UNC79: variants seen among roughly 807,000 people sequenced by gnomAD.
The protein encoded by UNC79 is unc-79 subunit of NALCN channel complex.
Under a neutral mutation model 283.1 loss-of-function variants are expected in UNC79, and 37 were observed. The observed-to-expected ratio is 0.13, with a 90% confidence interval of 0.10 to 0.17. The LOEUF is 0.17. Among genes scored for constraint, UNC79 ranks in the 10% least tolerant of loss-of-function variants. The pLI, the probability that UNC79 is intolerant of heterozygous loss-of-function variation, is 1.00. For synonymous variants in UNC79, 1,107 were observed against 1,200.2 expected (o/e 0.92, Z 1.61); for missense variants, 2,272 against 3,211.1 (o/e 0.71, Z 7.07).
chr14:93,403,718 T>G (rs1459251736), intron 1 of UNC79, among the ~76,000 whole-genome samples: 2 of 152,200 alleles, frequency 1.3e-5, no homozygotes, highest in African/African-American at 2.4e-5. Flanking sequence ...TAAAAAAATT[T>G]TTTTTTATCA....
intron 27 of UNC79, 80 bp downstream of exon 28, chr14:93,613,163 G>A (rs1442260469): frequency 7.7e-6 from 12 of 1,561,948 alleles, no homozygotes; most frequent in South Asian, 6.0e-5. Context: ...TGTAGCCAAC[G>A]TTGGTTCAGC....
At chr14:93,453,953 T>C (rs1246392473) in intron 1 of UNC79, among the ~76,000 whole-genome samples, 1 of 152,182 alleles carries the variant, frequency 6.6e-6, no homozygotes, top group Non-Finnish European at 1.5e-5. Context: ...AGGAATAGAT[T>C]GTTTGAGGGG....
chr14:93,499,840 G>A (rs2059196417), intron 7 of UNC79, among the ~76,000 whole-genome samples: 1 of 152,070 alleles, frequency 6.6e-6, no homozygotes, highest in Admixed American at 6.6e-5. Flanking sequence ...GCTGATACCT[G>A]AAGGATATAT....
chr14:93,365,633 A>G (rs1199640569), intron 1 of UNC79, among the ~76,000 whole-genome samples: 2 of 152,218 alleles, frequency 1.3e-5, no homozygotes, highest in Admixed American at 1.3e-4. Context: ...TGAAGAACTC[A>G]ACATCTGCGC....
At chr14:93,380,770 A>G (rs924873504) in intron 1 of UNC79, among the ~76,000 whole-genome samples, 2 of 152,124 alleles carry the variant, frequency 1.3e-5, no homozygotes, top group Non-Finnish European at 2.9e-5. Context: ...TTTACTTTAT[A>G]TTCAGTGTAT....
chr14:93,597,270 C>T, intron 23 of UNC79, 89 bp from the exon 24 acceptor site: 1 of 1,397,300 alleles, frequency 7.2e-7, no homozygotes. Flanking sequence ...TCTGTGAGTT[C>T]AGTTCTCAGA....
chr14:93,578,149 C>G, intron 18 of UNC79, 86 bp downstream of exon 18: 5 of 1,248,748 alleles, frequency 4.0e-6, no homozygotes, highest in Non-Finnish European at 5.6e-6. Flanking sequence ...TGTTGGGCAT[C>G]TCCACACTTA....
At chr14:93,630,861 C>A (rs779355862) in exon 31 of UNC79, 1 of 1,613,932 alleles carries the variant, frequency 6.2e-7, no homozygotes, top group Non-Finnish European at 8.5e-7. Flanking sequence ...TCTGCCCCTA[C>A]GTTAGATGCA....
chr14:93,502,921 C>A (rs1179641780), intron 7 of UNC79, among the ~76,000 whole-genome samples: 2 of 152,174 alleles, frequency 1.3e-5, no homozygotes, highest in African/African-American at 4.8e-5. Context: ...TCTACCAGTT[C>A]TTTTATGTCA....
chr14:93,340,249 T>A (rs1443282414), intron 1 of UNC79, among the ~76,000 whole-genome samples: 1 of 152,162 alleles, frequency 6.6e-6, no homozygotes, highest in Non-Finnish European at 1.5e-5. Flanking sequence ...GAGACCATCC[T>A]GGCTAACGCG....
At chr14:93,366,013 T>A (rs2139953521) in intron 1 of UNC79, among the ~76,000 whole-genome samples, 1 of 151,936 alleles carries the variant, frequency 6.6e-6, no homozygotes, top group African/African-American at 2.4e-5. Flanking sequence ...AAAAAAGAGG[T>A]TGTCTACAAA....
At chr14:93,378,127 T>C (rs1566901773) in intron 1 of UNC79, among the ~76,000 whole-genome samples, 1 of 152,234 alleles carries the variant, frequency 6.6e-6, no homozygotes, top group Non-Finnish European at 1.5e-5. Flanking sequence ...GATGACTGTT[T>C]ACTGTCATGC....
chr14:93,631,032 G>A, intron 31 of UNC79, 124 bp downstream of exon 33: 2 of 885,208 alleles, frequency 2.3e-6, no homozygotes, highest in East Asian at 2.7e-5. Flanking sequence ...CAGCTTCCTT[G>A]GTGATAGTAT....
chr14:93,442,144 A>C (rs2056320842), intron 1 of UNC79, among the ~76,000 whole-genome samples: 1 of 151,852 alleles, frequency 6.6e-6, no homozygotes, highest in Non-Finnish European at 1.5e-5. Context: ...ATCTCCTTTT[A>C]AGTAGCCTTA....
chr14:93,646,686 T>C (rs2069644557), intron 35 of UNC79, 40 bp downstream of exon 38: 1 of 1,607,832 alleles, frequency 6.2e-7, no homozygotes, highest in Admixed American at 1.7e-5. Flanking sequence ...CTTTCTTTTC[T>C]CCTCTGTGCA....
intron 7 of UNC79, among the ~76,000 whole-genome samples, chr14:93,502,046 T>C (rs2059317174): frequency 6.6e-6 from 1 of 152,234 alleles, no homozygotes. Flanking sequence ...AATTTGGTGA[T>C]CTACAATGTT....
chr14:93,371,709 C>T (rs967988672), intron 1 of UNC79, among the ~76,000 whole-genome samples: 4 of 151,844 alleles, frequency 2.6e-5, no homozygotes, highest in African/African-American at 7.3e-5. Flanking sequence ...GGCGTGGTGG[C>T]GGGCGCCTGT....
chr14:93,643,491 A>G lies in UNC79; in HGVS notation c.5904-66A>G, dbSNP rs978179510. ...ACCTACTAAAAACAGCCGTGTGTGTAGTATATTATATCTTGAGACCATGGT... is the reference window on the plus strand; with the variant it reads ...ACCTACTAAAAACAGCCGTGTGTGTGGTATATTATATCTTGAGACCATGGT... On this transcript the variant is annotated intron_variant, in intron 33 of 48. Coordinates refer to ENST00000555664, the Ensembl canonical transcript of UNC79. 5.6e-6 allele frequency: 9 copies of G among 1,610,668 alleles called. No homozygotes were observed. In the African/African-American group the frequency reaches 6.7e-5, roughly 12 times the overall value.
intron 1 of UNC79, among the ~76,000 whole-genome samples, chr14:93,450,377 T>G (rs1235132341): frequency 6.6e-6 from 1 of 152,136 alleles, no homozygotes; most frequent in Non-Finnish European, 1.5e-5. Context: ...AAAAGCATGG[T>G]CTGGGGTTCT....
Sources: gnomAD v4.1 joint callset for allele counts (sites outside exome capture counted in the v4.1 genomes callset) on GRCh38, gnomAD v4.1.1 for gene constraint, MANE v1.5 for transcripts, NCBI Gene and HGNC (gene_info 2026-07-23, HGNC 2026-07-21) for gene names.